Variants in SPOCK1 observed in about 807,000 individuals in gnomAD.
SPOCK1 encodes SPARC (osteonectin), cwcv and kazal like domains proteoglycan 1, also known as testican-1.
SPOCK1 carries 23 observed loss-of-function variants against 55.3 expected under a neutral mutation model. The ratio of observed to expected loss-of-function variants is 0.42; its 90% CI spans 0.30 to 0.59. The LOEUF is 0.59. Ranked by LOEUF, SPOCK1 falls within the 20% of genes least tolerant of loss-of-function variation. The pLI, the probability that SPOCK1 is intolerant of heterozygous loss-of-function variation, is 0.22. For synonymous variants in SPOCK1, 226 were observed against 221.0 expected (o/e 1.02, Z -0.20); for missense variants, 499 against 552.5 (o/e 0.90, Z 0.97).
intron 6 of SPOCK1, among the ~76,000 whole-genome samples, chr5:137,038,779 A>C (rs1247909803): frequency 1.3e-5 from 2 of 152,208 alleles, no homozygotes; most frequent in South Asian, 4.1e-4. Flanking sequence ...CACAAATTGC[A>C]TTGCTTATTT....
At chr5:137,299,869 C>A (rs1357470711) in intron 2 of SPOCK1, among the ~76,000 whole-genome samples, 1 of 152,092 alleles carries the variant, frequency 6.6e-6, no homozygotes, top group Non-Finnish European at 1.5e-5. Flanking sequence ...CTATAATATA[C>A]CTAAGTGCAG....
At chr5:137,385,302 G>T (rs926313517) in intron 2 of SPOCK1, among the ~76,000 whole-genome samples, 2 of 152,062 alleles carry the variant, frequency 1.3e-5, no homozygotes, top group African/African-American at 4.8e-5. Context: ...CAAGATCATG[G>T]GCTCCTGTAT....
At chr5:137,161,024 ATATATT>A (rs1315358367) in intron 3 of SPOCK1, among the ~76,000 whole-genome samples, 14 of 132,322 alleles carry the variant, frequency 1.1e-4, no homozygotes, top group Non-Finnish European at 1.8e-4. Flanking sequence ...ATATATATAT[ATATATT>A]ACATATATTT....
chr5:137,340,686 G>C (rs2127155832), intron 2 of SPOCK1, among the ~76,000 whole-genome samples: 1 of 152,218 alleles, frequency 6.6e-6, no homozygotes, highest in Non-Finnish European at 1.5e-5. Context: ...TTCAAGACCA[G>C]CCTGGCCAAC....
chr5:137,129,994 C>G (rs535410823), intron 4 of SPOCK1, among the ~76,000 whole-genome samples: 80 of 152,300 alleles, frequency 5.3e-4, no homozygotes, highest in Non-Finnish European at 9.0e-4. Flanking sequence ...TTCTTCCCCC[C>G]TCATCCTTCT....
chr5:137,185,675 G>T (rs566626374), intron 3 of SPOCK1, among the ~76,000 whole-genome samples: 63 of 152,026 alleles, frequency 4.1e-4, no homozygotes, highest in African/African-American at 1.4e-3. Flanking sequence ...GGATGGGCAT[G>T]AGATTAGGTG....
chr5:137,029,907 G>T (rs1236049234), intron 6 of SPOCK1, among the ~76,000 whole-genome samples: 1 of 152,210 alleles, frequency 6.6e-6, no homozygotes, highest in East Asian at 1.9e-4. Flanking sequence ...TTGATCATCT[G>T]TTTGTTGCTC....
chr5:137,400,727 G>A lies in SPOCK1; in HGVS notation c.186+97646C>T, dbSNP rs1474875344. ...CACACACAGCACTCAGAACTTTAGC[G>A]GGCCCTTGAGAAGACTTAAGTGCTT... On this transcript the variant is annotated intron_variant, in intron 2 of 10. Coordinates refer to ENST00000394945, the MANE Select transcript of SPOCK1 (RefSeq NM_004598.4). 3.9e-5 allele frequency among the ~76,000 whole-genome samples: 6 copies of A among 152,242 alleles called. No homozygotes were observed. In the East Asian group the frequency reaches 1.2e-3, roughly 29 times the overall value.
At chr5:137,278,817 A>C (rs1757116179) in intron 2 of SPOCK1, among the ~76,000 whole-genome samples, 1 of 152,198 alleles carries the variant, frequency 6.6e-6, no homozygotes, top group Admixed American at 6.5e-5. Flanking sequence ...TCATGTGGAC[A>C]AGACGGATGG....
chr5:137,316,340 G>A (rs1009565843), intron 2 of SPOCK1, among the ~76,000 whole-genome samples: 5 of 152,160 alleles, frequency 3.3e-5, no homozygotes, highest in Non-Finnish European at 7.4e-5. Flanking sequence ...AAATCACAGC[G>A]GCTAGCTAGA....
At chr5:137,152,989 T>C (rs1201366448) in intron 3 of SPOCK1, among the ~76,000 whole-genome samples, 2 of 152,206 alleles carry the variant, frequency 1.3e-5, no homozygotes, top group African/African-American at 4.8e-5. Flanking sequence ...GTCTGCTAAA[T>C]CCAGTTGAAG....
intron 2 of SPOCK1, among the ~76,000 whole-genome samples, chr5:137,477,753 C>T (rs1002254244): frequency 6.6e-6 from 1 of 152,046 alleles, no homozygotes. Context: ...TGCTAAGCTC[C>T]ACATGTCAGC....
At chr5:137,012,948 T>C (rs916366763) in intron 6 of SPOCK1, among the ~76,000 whole-genome samples, 2 of 152,198 alleles carry the variant, frequency 1.3e-5, no homozygotes, top group Admixed American at 6.5e-5. Context: ...ATGGAAAATG[T>C]TTATGATACA....
chr5:137,062,522 TATAA>T (rs1454778321), intron 6 of SPOCK1, among the ~76,000 whole-genome samples: 2 of 129,736 alleles, frequency 1.5e-5, no homozygotes, highest in Non-Finnish European at 3.1e-5. Flanking sequence ...TTTCAAGCAT[TATAA>T]ATAATAATAA....
intron 3 of SPOCK1, among the ~76,000 whole-genome samples, chr5:137,161,915 T>C (rs1326848392): frequency 6.6e-6 from 1 of 152,058 alleles, no homozygotes; most frequent in African/African-American, 2.4e-5. Context: ...GATCTAAGAG[T>C]TGTCACTCCC....
intron 3 of SPOCK1, among the ~76,000 whole-genome samples, chr5:137,161,237 C>A (rs946671614): frequency 2.0e-5 from 3 of 151,434 alleles, no homozygotes; most frequent in Non-Finnish European, 4.4e-5. Flanking sequence ...GAAGTAGTTA[C>A]ATGAGGCAAG....
intron 3 of SPOCK1, among the ~76,000 whole-genome samples, chr5:137,256,144 T>A (rs371567358): frequency 1.3e-5 from 2 of 152,202 alleles, no homozygotes; most frequent in African/African-American, 4.8e-5. Flanking sequence ...GGTGGCACCA[T>A]ATTCTGTATG....
intron 5 of SPOCK1, among the ~76,000 whole-genome samples, chr5:137,109,626 C>T (rs548366144): frequency 1.2e-4 from 18 of 152,242 alleles, no homozygotes; most frequent in African/African-American, 3.9e-4. Context: ...GCTAAGTGTC[C>T]CTGCTTAGAC....
chr5:137,494,623 G>A (rs1459947576), intron 2 of SPOCK1, among the ~76,000 whole-genome samples: 5 of 152,298 alleles, frequency 3.3e-5, no homozygotes, highest in South Asian at 2.1e-4. Context: ...CAACCAGACT[G>A]TATTATGTTT....
Sources: allele counts gnomAD v4.1 joint callset (sites outside exome capture counted in the v4.1 genomes callset), GRCh38; gene constraint gnomAD v4.1.1; transcripts MANE v1.5; gene names NCBI Gene and HGNC (gene_info 2026-07-23, HGNC 2026-07-21).